MMP16: variants seen among roughly 807,000 people sequenced by gnomAD.
MMP16 encodes matrix metallopeptidase 16.
Under a neutral mutation model 67.8 loss-of-function variants are expected in MMP16, and 12 were observed. The ratio of observed to expected loss-of-function variants is 0.18; its 90% CI spans 0.11 to 0.29. The LOEUF (loss-of-function observed/expected upper bound fraction) is 0.29, where lower values mean the gene tolerates loss of function less well. MMP16 is among the 10% of genes least tolerant of loss of function. MMP16 has a pLI of 1.00. For synonymous variants in MMP16, 249 were observed against 255.9 expected (o/e 0.97, Z 0.26); for missense variants, 475 against 765.7 (o/e 0.62, Z 4.48).
chr8:88,207,796 T>G (rs1322268758), intron 1 of MMP16, among the ~76,000 whole-genome samples: 1 of 152,162 alleles, frequency 6.6e-6, no homozygotes, highest in Non-Finnish European at 1.5e-5. Flanking sequence ...CAAAATACCT[T>G]TTAATCTCCA....
At chr8:88,045,774 C>T (rs759846710) in intron 9 of MMP16, among the ~76,000 whole-genome samples, 87 of 152,134 alleles carry the variant, frequency 5.7e-4, no homozygotes, top group Non-Finnish European at 9.1e-4. Flanking sequence ...CCCCTAGATG[C>T]ACTTGTTTGT....
intron 1 of MMP16, among the ~76,000 whole-genome samples, chr8:88,318,006 T>G (rs1416931015): frequency 6.6e-6 from 1 of 152,204 alleles, no homozygotes; most frequent in Non-Finnish European, 1.5e-5. Flanking sequence ...ATATATTTCC[T>G]TTTAGCTTCT....
intron 3 of MMP16, among the ~76,000 whole-genome samples, chr8:88,184,746 CAAAAAAAAAAAAAAA>C (rs61606557): frequency 5.9e-4 from 28 of 47,482 alleles, no homozygotes; most frequent in Admixed American, 2.4e-3. Flanking sequence ...GGCCCTGTCT[CAAAAAAAAAAAAAAA>C]AAAAAAAAAA....
chr8:88,262,253 G>A (rs1810399114), intron 1 of MMP16, among the ~76,000 whole-genome samples: 1 of 152,104 alleles, frequency 6.6e-6, no homozygotes, highest in Admixed American at 6.5e-5. Context: ...TATCAAACGT[G>A]GCATAGTGCA....
chr8:88,289,283 T>G (rs1810883314), intron 1 of MMP16, among the ~76,000 whole-genome samples: 1 of 152,224 alleles, frequency 6.6e-6, no homozygotes, highest in African/African-American at 2.4e-5. Context: ...ACACAGACAT[T>G]TTTGTTATCA....
chr8:88,262,917 C>G (rs978911084), intron 1 of MMP16, among the ~76,000 whole-genome samples: 11 of 148,058 alleles, frequency 7.4e-5, no homozygotes, highest in Non-Finnish European at 1.6e-4. Flanking sequence ...CCCAGCTACT[C>G]GGGAGGCTGA....
At position 88,032,771 on chromosome 8, in the gene MMP16, T is replaced by G. The variant is rs1808002456; in HGVS notation, c.*8690A>C. 1 of 152,124 alleles carries G rather than the reference T, an allele frequency of 6.6e-6. No homozygotes were observed. The highest frequency in any genetic ancestry group is 1.5e-5 in the Non-Finnish European group (1 of 67,998). The allele number at this position is 152,124 out of a possible 1,614,324, so 9.4% of individuals were successfully genotyped here. A position where few individuals can be genotyped will look rare whatever the true frequency, so the allele number is the denominator to read the frequency against. On this transcript the variant is annotated 3_prime_UTR_variant, in exon 10 of 10. Coordinates refer to ENST00000286614, the MANE Select transcript of MMP16 (RefSeq NM_005941.5). ...GAATCCTGTGTGGGAAAAACATCACTACAACTTGCACACCTTAAAACTCAT... is the reference window on the plus strand; with the variant it reads ...GAATCCTGTGTGGGAAAAACATCACGACAACTTGCACACCTTAAAACTCAT...
intron 1 of MMP16, among the ~76,000 whole-genome samples, chr8:88,301,596 T>C (rs1055261206): frequency 6.6e-6 from 1 of 152,188 alleles, no homozygotes; most frequent in Non-Finnish European, 1.5e-5. Context: ...AATATGACAT[T>C]ATGTGTATAT....
chr8:88,196,256 C>T (rs1354145317), intron 2 of MMP16, among the ~76,000 whole-genome samples: 1 of 152,172 alleles, frequency 6.6e-6, no homozygotes. Context: ...AATATGTAAA[C>T]TTTGTGAGTA....
At chr8:88,105,113 C>T (rs996385278) in intron 6 of MMP16, among the ~76,000 whole-genome samples, 2 of 150,230 alleles carry the variant, frequency 1.3e-5, no homozygotes, top group Non-Finnish European at 3.0e-5. Flanking sequence ...ATGGCAAGTG[C>T]ACTACATAGG....
intron 4 of MMP16, among the ~76,000 whole-genome samples, chr8:88,145,836 G>T (rs1203186728): frequency 6.6e-6 from 1 of 151,960 alleles, no homozygotes; most frequent in East Asian, 1.9e-4. Flanking sequence ...AGTTAGAAAA[G>T]ACTGAAGATA....
At chr8:88,322,675 A>C (rs1441468424) in intron 1 of MMP16, among the ~76,000 whole-genome samples, 1 of 151,832 alleles carries the variant, frequency 6.6e-6, no homozygotes, top group Middle Eastern at 3.2e-3. Flanking sequence ...TGAAAATTAA[A>C]AAAAAAAAAA....
chr8:88,326,739 G>A, intron 1 of MMP16: 1 of 206,300 alleles, frequency 4.8e-6, no homozygotes, highest in South Asian at 9.9e-5. Flanking sequence ...TCTTCCCCGA[G>A]CTGTTTATCC....
intron 8 of MMP16, among the ~76,000 whole-genome samples, chr8:88,049,988 G>A (rs1162897261): frequency 6.6e-6 from 1 of 152,076 alleles, no homozygotes; most frequent in Admixed American, 6.5e-5. Flanking sequence ...TTGTGCCACT[G>A]CACTCCAGCA....
chr8:88,262,439 C>T (rs755995977), intron 1 of MMP16, among the ~76,000 whole-genome samples: 9 of 152,062 alleles, frequency 5.9e-5, no homozygotes, highest in Non-Finnish European at 5.9e-5. Flanking sequence ...TCATCAGAAA[C>T]GGAGGTTAAA....
At chr8:88,299,384 C>T (rs571510523) in intron 1 of MMP16, among the ~76,000 whole-genome samples, 52 of 152,124 alleles carry the variant, frequency 3.4e-4, no homozygotes, top group African/African-American at 1.2e-3. Flanking sequence ...TCTCTTTATC[C>T]TCAATCTGGA....
chr8:88,093,381 C>T (rs900355311), intron 6 of MMP16, among the ~76,000 whole-genome samples: 10 of 151,686 alleles, frequency 6.6e-5, no homozygotes, highest in Non-Finnish European at 1.3e-4. Context: ...GCCACTTTGG[C>T]CCATCGATCA....
chr8:88,283,836 T>A (rs1458835424), intron 1 of MMP16, among the ~76,000 whole-genome samples: 1 of 152,034 alleles, frequency 6.6e-6, no homozygotes. Context: ...CTAAGAGAGG[T>A]AACACCCACA....
intron 1 of MMP16, among the ~76,000 whole-genome samples, chr8:88,324,596 C>T (rs1811509626): frequency 6.6e-6 from 1 of 152,100 alleles, no homozygotes; most frequent in South Asian, 2.1e-4. Flanking sequence ...TCATGCATGA[C>T]TGATATCATT....
Sources: allele counts gnomAD v4.1 joint callset (sites outside exome capture counted in the v4.1 genomes callset), GRCh38; gene constraint gnomAD v4.1.1; transcripts MANE v1.5; gene names NCBI Gene and HGNC (gene_info 2026-07-23, HGNC 2026-07-21).